Variants in MAP2K3 observed in about 807,000 individuals in gnomAD.
MAP2K3 encodes mitogen-activated protein kinase kinase 3, also known as dual specificity mitogen-activated protein kinase kinase 3.
MAP2K3 carries 30 observed loss-of-function variants against 46.4 expected under a neutral mutation model. That is an observed-to-expected ratio of 0.65 (90% CI 0.48 to 0.88). The LOEUF (loss-of-function observed/expected upper bound fraction) is 0.88, where lower values mean the gene tolerates loss of function less well. Among genes scored for constraint, MAP2K3 ranks in the 40% least tolerant of loss-of-function variants. The probability of loss-of-function intolerance (pLI) is 0.00; values close to 1 mark genes in which losing one functional copy is unlikely to be tolerated. For synonymous variants in MAP2K3, 189 were observed against 176.3 expected, an observed-to-expected ratio of 1.07 and a Z score of -0.57; for missense variants, 380 against 464.5, an observed-to-expected ratio of 0.82 and a Z score of 1.67.
chr17:21,300,052 A>T (rs1451510559), intron 3 of MAP2K3, among the ~76,000 whole-genome samples: 1 of 152,304 alleles, frequency 6.6e-6, no homozygotes, highest in Non-Finnish European at 1.5e-5. Flanking sequence ...ACTCCCTGAC[A>T]CTCACCATCT....
At chr17:21,305,893 C>T (rs1976869141) in intron 9 of MAP2K3, among the ~76,000 whole-genome samples, 3 of 152,308 alleles carry the variant, frequency 2.0e-5, no homozygotes, top group African/African-American at 7.2e-5. Flanking sequence ...GGCTTGGGAC[C>T]AATGGAGTGT....
chr17:21,290,772 A>T (rs962435851), intron 1 of MAP2K3, among the ~76,000 whole-genome samples: 1 of 152,312 alleles, frequency 6.6e-6, no homozygotes, highest in African/African-American at 2.4e-5. Context: ...CAACATAGGG[A>T]GAGCTCATCT....
chr17:21,295,439 G>C (rs555983233), intron 1 of MAP2K3, among the ~76,000 whole-genome samples: 1 of 152,308 alleles, frequency 6.6e-6, no homozygotes, highest in Admixed American at 6.5e-5. Flanking sequence ...CGGGCTTATC[G>C]TGGGTTGCCA....
intron 3 of MAP2K3, 89 bp from the exon 4 acceptor site, chr17:21,300,455 TC>T (rs1429892348): frequency 1.0e-4 from 142 of 1,358,706 alleles, no homozygotes; most frequent in Non-Finnish European, 1.3e-4. Context: ...CAGCTGGTCC[TC>T]TTCATGCTGC....
intron 2 of MAP2K3, 110 bp from the exon 3 acceptor site, chr17:21,298,768 G>C: frequency 1.3e-6 from 2 of 1,527,558 alleles, no homozygotes; most frequent in Non-Finnish European, 9.0e-7. Context: ...GCGCCTCCGG[G>C]GCAGGAGGCA....
intron 1 of MAP2K3, 62 bp from the exon 2 acceptor site, chr17:21,298,351 G>A (rs764079816): frequency 6.2e-7 from 1 of 1,608,484 alleles, no homozygotes; most frequent in East Asian, 2.2e-5. Context: ...ATGGCTCATG[G>A]GAGTGCAGGG....
chr17:21,302,750 G>A (rs1976677258), intron 6 of MAP2K3, among the ~76,000 whole-genome samples: 1 of 152,312 alleles, frequency 6.6e-6, no homozygotes, highest in Non-Finnish European at 1.5e-5. Context: ...AGTGAGACTG[G>A]TTCAATCCTC....
At chr17:21,303,076 G>C in intron 6 of MAP2K3, 107 bp from the exon 7 acceptor site, 5 of 1,444,910 alleles carry the variant, frequency 3.5e-6, no homozygotes, top group Non-Finnish European at 4.8e-6. Flanking sequence ...TGTGCAGCGG[G>C]AGCGGGAGAC....
Position 21,284,808 on chromosome 17 carries a change from T to TGCTCCTCCGCC in MAP2K3, c.-112_-102dup, listed in dbSNP as rs1177868916. On this transcript the variant is annotated 5_prime_UTR_variant, in exon 1 of 12. Transcript: ENST00000342679. The stretch of plus-strand genomic sequence containing the variant: ...CCGCCGCCGCCGCCGCCGCCGCCGC[T>TGCTCCTCCGCC]GCTCCTCCGCCTGGCCTGGGCCGTC... 1.6e-6 allele frequency: 2 copies of TGCTCCTCCGCC among 1,236,090 alleles called. No individual in the cohort carries two copies. The highest frequency in any genetic ancestry group is 2.2e-6 in the Non-Finnish European group (2 of 922,274). 76.6% of individuals were successfully genotyped at this position (1,236,090 alleles called of 1,614,324 possible).
At chr17:21,310,894 A>G (rs1282279566) in intron 9 of MAP2K3, among the ~76,000 whole-genome samples, 4 of 152,240 alleles carry the variant, frequency 2.6e-5, no homozygotes, top group Admixed American at 2.0e-4. Flanking sequence ...ACGAGGTTGA[A>G]GGTTTGGACA....
intron 1 of MAP2K3, among the ~76,000 whole-genome samples, chr17:21,294,788 G>A (rs1795960541): frequency 6.6e-6 from 1 of 152,304 alleles, no homozygotes; most frequent in Non-Finnish European, 1.5e-5. Context: ...CACTGCTATG[G>A]CATGACGCTG....
intron 1 of MAP2K3, among the ~76,000 whole-genome samples, chr17:21,297,145 C>A (rs1330250647): frequency 3.9e-4 from 60 of 152,282 alleles, no homozygotes; most frequent in Non-Finnish European, 1.9e-4. Flanking sequence ...CACCCTTCGC[C>A]CTCCATCTGG....
rs1483355593 is a variant in MAP2K3 at position 21,304,352 on chromosome 17, C to G, written c.569-74C>G. 5.6e-6 allele frequency: 9 copies of G among 1,610,176 alleles called. No homozygotes were observed. The African/African-American group carries it at 1.2e-4, about 21-fold the overall frequency. ...GGGTCTTGGGCGAGGGAGGGGGGCA[C>G]AGCTATGCAGAGCATGGCACCTGCC... On this transcript the variant is annotated intron_variant, in intron 7 of 11. Coordinates refer to ENST00000342679, the MANE Select transcript of MAP2K3 (RefSeq NM_145109.3).
chr17:21,302,323 G>A lies in MAP2K3; in HGVS notation c.516+64G>A, dbSNP rs1976654551. The A allele has an allele frequency of 3.3e-6, 5 of 1,508,268 alleles. No homozygotes were observed. The South Asian group carries it at 4.5e-5, about 14-fold the overall frequency. The allele number at this position is 1,508,268 out of a possible 1,614,324, so 93.4% of individuals were successfully genotyped here. A position where few individuals can be genotyped will look rare whatever the true frequency, so the allele number is the denominator to read the frequency against. ...CATAGGCAGAGGCCCAGCCCTGCCA[G>A]CAGGCATGGAGCCTGCCTATTGATG... On this transcript the variant is annotated intron_variant, in intron 6 of 11. Transcript: ENST00000342679.
chr17:21,294,710 G>A (rs1349517840), intron 1 of MAP2K3, among the ~76,000 whole-genome samples: 1 of 152,312 alleles, frequency 6.6e-6, no homozygotes, highest in Non-Finnish European at 1.5e-5. Context: ...GTGGTCTGGG[G>A]CTGAGGGTGG....
chr17:21,285,063 G>C (rs1975687609), intron 1 of MAP2K3, 94 bp downstream of exon 1: 1 of 1,484,202 alleles, frequency 6.7e-7, no homozygotes, highest in Non-Finnish European at 9.1e-7. Context: ...ACCCCATCCT[G>C]TTCTCGACCT....
chr17:21,290,527 C>T (rs1356566251), intron 1 of MAP2K3, among the ~76,000 whole-genome samples: 1 of 152,310 alleles, frequency 6.6e-6, no homozygotes, highest in African/African-American at 2.4e-5. Flanking sequence ...CCTCTCAGGG[C>T]TGCTGTTGAG....
At chr17:21,303,380 C>T (rs1356583063) in intron 7 of MAP2K3, 146 bp downstream of exon 7, 2 of 1,100,024 alleles carry the variant, frequency 1.8e-6, no homozygotes, top group Non-Finnish European at 2.6e-6. Context: ...CGCTTTCCAC[C>T]TGCAGCCCTG....
intron 1 of MAP2K3, chr17:21,295,956 G>A: frequency 1.6e-6 from 2 of 1,249,402 alleles, no homozygotes; most frequent in Middle Eastern, 2.2e-4. Flanking sequence ...CAAGGCCCAG[G>A]GTCTCTGTGC....
Sources: gnomAD v4.1 joint callset for allele counts (sites outside exome capture counted in the v4.1 genomes callset) on GRCh38, gnomAD v4.1.1 for gene constraint, MANE v1.5 for transcripts, NCBI Gene and HGNC (gene_info 2026-07-23, HGNC 2026-07-21) for gene names.